SLC39A5: variants seen among roughly 807,000 people sequenced by gnomAD.
SLC39A5 encodes the protein zinc transporter ZIP5.
Under a neutral mutation model 46.9 loss-of-function variants are expected in SLC39A5, and 42 were observed. The observed-to-expected ratio is 0.90, with a 90% CI of 0.70 to 1.16. SLC39A5 has a LOEUF of 1.16. Among genes scored for constraint, SLC39A5 ranks in the 50% most tolerant of loss-of-function variants. The probability of loss-of-function intolerance (pLI) is 0.00; values close to 1 mark genes in which losing one functional copy is unlikely to be tolerated. For synonymous variants in SLC39A5, 311 were observed against 323.1 expected, an observed-to-expected ratio of 0.96 and a Z score of 0.40; for missense variants, 677 against 686.8, an observed-to-expected ratio of 0.99 and a Z score of 0.16.
At position 56,235,651 on chromosome 12, in the gene SLC39A5, T is replaced by C; in HGVS notation, c.896T>C (p.Phe299Ser). ...GTGCTCGGAGGCCTCTTCCTGCTCTTTGTGCTGGAGAACATGCTGGGGCTT... is the reference window on the plus strand; with the variant it reads ...GTGCTCGGAGGCCTCTTCCTGCTCTCTGTGCTGGAGAACATGCTGGGGCTT... ...LSVLGGLFLL[F>S]VLENMLGLLR... Residue 299 changes from phenylalanine to serine, a missense_variant, in exon 8 of 13, where the codon TTT (phenylalanine) becomes TCT (serine). Transcript: ENST00000454355. 6.2e-7 allele frequency: 1 copy of C among 1,614,078 alleles called. No individual in the cohort carries two copies. The highest frequency in any genetic ancestry group is 1.3e-5 in the African/African-American group (1 of 75,028).
At chr12:56,234,242 G>A (rs1870506925) in intron 5 of SLC39A5, among the ~76,000 whole-genome samples, 1 of 152,002 alleles carries the variant, frequency 6.6e-6, no homozygotes, top group African/African-American at 2.4e-5. Flanking sequence ...CCACCTCCTG[G>A]GTTAAAGCAA....
rs745642336 is a variant in SLC39A5 at position 56,235,240 on chromosome 12, C to T, written c.718C>T (p.Arg240Cys). 4.4e-6 allele frequency: 7 copies of T among 1,585,574 alleles called. No individual in the cohort carries two copies. Among genetic ancestry groups the T allele is most frequent in the South Asian group, 3.5e-5 (3 of 86,326 alleles). The change falls in exon 7 of 13, where the codon CGT becomes TGT. Residue 240 changes from arginine to cysteine, a missense_variant. Physicochemically the swap from Arg to Cys is radical, Grantham distance 180. Transcript: ENST00000454355. ...SLLLLRLLGPRLLRPLLGFLG... is the reference protein window; with the variant it reads ...SLLLLRLLGPCLLRPLLGFLG... ...GCTGCTGCTGCGGCTCCTGGGACCT[C>T]GTCTACTACGGCCCTTGCTGGGCTT... is the stretch of plus-strand genomic sequence containing the variant.
At chr12:56,237,402 A>G (rs1447319634) in intron 12 of SLC39A5, 62 bp downstream of exon 12, 1 of 1,538,926 alleles carries the variant, frequency 6.5e-7, no homozygotes, top group East Asian at 2.3e-5. Context: ...GTGGAGAGGG[A>G]GGTAGCAGTC....
At chr12:56,235,854 C>T (rs1870706258) in intron 8 of SLC39A5, 154 bp downstream of exon 8, 2 of 945,250 alleles carry the variant, frequency 2.1e-6, no homozygotes, top group East Asian at 2.5e-5. Flanking sequence ...TCCAGCCTGA[C>T]CAACATGGTG....
At position 56,231,315 on chromosome 12, in the gene SLC39A5, G is replaced by C. The variant is rs371756286; in HGVS notation, c.41G>C (p.Cys14Ser). ...GTGAGTCATCTGCTGGCCGGCTTCT[G>C]TGTGTGGGTCGTCTTGGGCTGGGTA... The part of the protein sequence containing the change: ...SPVSHLLAGF[C>S]VWVVLGWVGG... The change falls in exon 4 of 13, where the codon TGT (cysteine) becomes TCT (serine). Residue 14 changes from cysteine (C) to serine (S), a missense_variant. Cys to Ser is a moderately radical substitution (Grantham distance 112). Coordinates refer to ENST00000454355, the MANE Select transcript of SLC39A5 (RefSeq NM_173596.3). 1.7e-5 allele frequency: 28 copies of C among 1,612,690 alleles called. No individual in the cohort carries two copies. Among genetic ancestry groups the C allele is most frequent in the East Asian group, 1.1e-4 (5 of 44,886 alleles).
Position 56,232,857 on chromosome 12 carries a change from C to G in SLC39A5, c.456C>G (p.Asp152Glu), listed in dbSNP as rs764039705. The change falls in exon 5 of 13, where the codon GAC becomes GAG. Residue 152 changes from aspartate to glutamate, a missense_variant. Coordinates refer to ENST00000454355, the MANE Select transcript of SLC39A5 (RefSeq NM_173596.3). ...RLLLLDHSLADHLNEDCLNGS... is the reference protein window; with the variant it reads ...RLLLLDHSLAEHLNEDCLNGS... ...TGTTGCTGGACCACTCATTGGCTGA[C>G]CACCTGAATGAGGATGTGAGTCTGA... The G allele has an allele frequency of 6.2e-7, 1 of 1,611,208 alleles. No individual in the cohort carries two copies. Among genetic ancestry groups the G allele is most frequent in the Admixed American group, 1.7e-5 (1 of 59,652 alleles).
chr12:56,233,768 G>A (rs963592445), intron 5 of SLC39A5, among the ~76,000 whole-genome samples: 4 of 152,242 alleles, frequency 2.6e-5, no homozygotes, highest in African/African-American at 9.6e-5. Context: ...GAGGTCCAGT[G>A]AGTGCCCATT....
At position 56,232,744 on chromosome 12, in the gene SLC39A5, T is replaced by C; in HGVS notation, c.343T>C (p.Ser115Pro). Residue 115 changes from serine (S) to proline (P), a missense_variant, in exon 5 of 13, where the codon TCA (serine) becomes CCA (proline). Coordinates refer to ENST00000454355, the MANE Select transcript of SLC39A5 (RefSeq NM_173596.3). ...DVWAGMPLGP[S>P]GWGDLEESKA... The stretch of plus-strand genomic sequence containing the variant: ...CTGGGCAGGGATGCCTCTGGGTCCC[T>C]CAGGGTGGGGTGACCTGGAAGAGTC... The C allele has an allele frequency of 1.9e-6, 3 of 1,612,382 alleles. No homozygotes were observed. Among genetic ancestry groups the C allele is most frequent in the Non-Finnish European group, 2.5e-6 (3 of 1,179,356 alleles).
chr12:56,234,764 G>A (rs1870560260), intron 5 of SLC39A5, 60 bp from the exon 6 acceptor site: 1 of 1,589,484 alleles, frequency 6.3e-7, no homozygotes, highest in Admixed American at 1.7e-5. Context: ...CTGGCCAGGT[G>A]TTAAAGATCT....
In SLC39A5 at chr12:56,231,415, C is replaced by CGGCGAGA. The variant is rs1565597170; in HGVS notation, c.142_148dup (p.Asn50ArgfsTer54). 6.2e-7 allele frequency: 1 copy of CGGCGAGA among 1,614,088 alleles called. No individual in the cohort carries two copies. The highest frequency in any genetic ancestry group is 1.7e-5 in the Admixed American group (1 of 60,014). Reference sequence around the variant, plus strand: ...ACCTGGCCCAGCTGTTTGGCCTGTACGGCGAGAATGGGACGCTGACTGCAG... The same window carrying CGGCGAGA: ...ACCTGGCCCAGCTGTTTGGCCTGTACGGCGAGAGGCGAGAATGGGACGCTGACTGCAG... On this transcript the variant is annotated frameshift_variant, in exon 4 of 13. Transcript: ENST00000454355. LOFTEE classifies it high-confidence loss of function.
Position 56,236,613 on chromosome 12 carries a change from C to G in SLC39A5, c.1074C>G (p.Asn358Lys). The stretch of plus-strand genomic sequence containing the variant: ...GGGCTCAGGGCCAGAGGGAGAAGAA[C>G]AGCCAGCACCCACCAGCTCTGGCCC... ...EPGAQGQREK[N>K]SQHPPALAPP... Residue 358 changes from asparagine to lysine, a missense_variant, in exon 10 of 13, where the codon AAC becomes AAG. Physicochemically the swap from Asn to Lys is moderately conservative, Grantham distance 94. Coordinates refer to ENST00000454355, the MANE Select transcript of SLC39A5 (RefSeq NM_173596.3). 6.2e-7 allele frequency: 1 copy of G among 1,613,058 alleles called. No homozygotes were observed.
chr12:56,237,405 T>G (rs1592382002), intron 12 of SLC39A5, 65 bp downstream of exon 12: 2 of 1,522,946 alleles, frequency 1.3e-6, no homozygotes, highest in Non-Finnish European at 1.8e-6. Context: ...GAGAGGGAGG[T>G]AGCAGTCCCT....
At chr12:56,236,001 C>T (rs1565601688) in intron 8 of SLC39A5, among the ~76,000 whole-genome samples, 1 of 152,156 alleles carries the variant, frequency 6.6e-6, no homozygotes. Flanking sequence ...AAGATGGCAC[C>T]ACTGCACTCC....
chr12:56,237,097 G>C, intron 11 of SLC39A5, 53 bp from the exon 12 acceptor site: 1 of 1,612,158 alleles, frequency 6.2e-7, no homozygotes, highest in Non-Finnish European at 8.5e-7. Context: ...GGGTGGCATG[G>C]ATGAGGGGCA....
chr12:56,236,601 G>C lies in SLC39A5; in HGVS notation c.1062G>C (p.Gln354His). The C allele has an allele frequency of 6.2e-7, 1 of 1,613,124 alleles. No individual in the cohort carries two copies. Among genetic ancestry groups the C allele is most frequent in the Non-Finnish European group, 8.5e-7 (1 of 1,179,290 alleles). ...CCGCAGAGCCAGGGGCTCAGGGCCA[G>C]AGGGAGAAGAACAGCCAGCACCCAC... ...QAAPEPGAQG[Q>H]REKNSQHPPA... The change falls in exon 10 of 13, where the codon CAG becomes CAC. Residue 354 changes from glutamine to histidine, a missense_variant. Physicochemically the swap from Gln to His is conservative, Grantham distance 24. Coordinates refer to ENST00000454355, the MANE Select transcript of SLC39A5 (RefSeq NM_173596.3).
intron 5 of SLC39A5, among the ~76,000 whole-genome samples, chr12:56,233,119 C>T (rs1163929612): frequency 2.0e-5 from 3 of 151,542 alleles, no homozygotes; most frequent in South Asian, 2.1e-4. Flanking sequence ...AAAAATTAGC[C>T]GGGTGTGGTA....
At chr12:56,234,311 C>T (rs1367377839) in intron 5 of SLC39A5, among the ~76,000 whole-genome samples, 2 of 147,686 alleles carry the variant, frequency 1.4e-5, no homozygotes, top group East Asian at 4.0e-4. Context: ...CTATCCCCAG[C>T]TAATTTTTTT....
rs1411071504 is a variant in SLC39A5, at chr12:56,237,721, C to A, written c.1613C>A (p.Thr538Asn). Residue 538 changes from threonine (T) to asparagine (N), a missense_variant, in exon 13 of 13, where the codon ACT (threonine) becomes AAT (asparagine). Thr to Asn is a moderately conservative substitution (Grantham distance 65, BLOSUM62 0). Coordinates refer to ENST00000454355, the MANE Select transcript of SLC39A5 (RefSeq NM_173596.3). ...GAGGAGCGGCTACTGCCCGTGACCA[C>A]TGAGGGCTGATGGGGCCAGTGGAAA... ...LLEERLLPVT[T>N]EG 2 of 1,567,402 alleles carry A rather than the reference C, an allele frequency of 1.3e-6. No homozygotes were observed. The highest frequency in any genetic ancestry group is 2.7e-5 in the African/African-American group (2 of 73,430).
chr12:56,235,404 T>C, intron 7 of SLC39A5, 78 bp downstream of exon 7: 1 of 1,504,470 alleles, frequency 6.6e-7, no homozygotes, highest in Non-Finnish European at 8.8e-7. Context: ...CCCCTCCGCC[T>C]TTCCATCAGC....
Sources: allele counts gnomAD v4.1 joint callset (sites outside exome capture counted in the v4.1 genomes callset), GRCh38; gene constraint gnomAD v4.1.1; transcripts MANE v1.5; gene names NCBI Gene and HGNC (gene_info 2026-07-23, HGNC 2026-07-21).